The following DTNA variants were observed in gnomAD, a reference collection of about 807,000 sequenced individuals.
DTNA encodes dystrobrevin alpha.
DTNA carries 43 observed loss-of-function variants against 100.7 expected under a neutral mutation model. That is an observed-to-expected ratio of 0.43 (90% CI 0.33 to 0.55). The LOEUF (loss-of-function observed/expected upper bound fraction) is 0.55, where lower values mean the gene tolerates loss of function less well. DTNA is among the 20% of genes least tolerant of loss of function. DTNA has a pLI of 0.04. For missense variants in DTNA, 798 were observed against 953.9 expected (o/e 0.84, Z 2.15); for synonymous variants, 349 against 347.9 (o/e 1.00, Z -0.04).
chr18:34,576,600 AG>A (rs2048134064), intron 1 of DTNA, among the ~76,000 whole-genome samples: 1 of 152,156 alleles, frequency 6.6e-6, no homozygotes, highest in South Asian at 2.1e-4. Flanking sequence ...CTGAGATTAC[AG>A]GCACATGCCG....
chr18:34,775,484 A>G (rs1314208711), intron 3 of DTNA, among the ~76,000 whole-genome samples: 1 of 152,170 alleles, frequency 6.6e-6, no homozygotes, highest in Non-Finnish European at 1.5e-5. Context: ...TCCATCTCAA[A>G]AAAAAATAAA....
chr18:34,742,418 C>G (rs1325437458), intron 1 of DTNA, among the ~76,000 whole-genome samples: 1 of 152,062 alleles, frequency 6.6e-6, no homozygotes, highest in African/African-American at 2.4e-5. Flanking sequence ...AGGCCACATG[C>G]ATTTCTCGGT....
intron 9 of DTNA, among the ~76,000 whole-genome samples, chr18:34,826,291 C>A (rs1281390244): frequency 6.6e-6 from 1 of 151,902 alleles, no homozygotes; most frequent in African/African-American, 2.4e-5. Flanking sequence ...TGAGTAAGTT[C>A]TTTAGTGGTG....
At chr18:34,714,087 T>C (rs1449691635) in intron 1 of DTNA, among the ~76,000 whole-genome samples, 2 of 151,974 alleles carry the variant, frequency 1.3e-5, no homozygotes, top group African/African-American at 2.4e-5. Context: ...CAATTCAAGA[T>C]GGATTAAAGA....
chr18:34,854,464 G>T (rs1044875415), intron 15 of DTNA, among the ~76,000 whole-genome samples: 1 of 152,176 alleles, frequency 6.6e-6, no homozygotes, highest in Non-Finnish European at 1.5e-5. Flanking sequence ...AAGTCAGTGA[G>T]TGTCCCATAA....
intron 1 of DTNA, among the ~76,000 whole-genome samples, chr18:34,712,257 A>T (rs2083047201): frequency 6.6e-6 from 1 of 152,150 alleles, no homozygotes; most frequent in South Asian, 2.1e-4. Flanking sequence ...TCCCGCCGGT[A>T]CTGGAAAGGG....
At chr18:34,740,542 T>C (rs982213079) in intron 1 of DTNA, among the ~76,000 whole-genome samples, 1 of 152,148 alleles carries the variant, frequency 6.6e-6, no homozygotes, top group African/African-American at 2.4e-5. Flanking sequence ...AGCATGATTG[T>C]TATGGTCTCA....
At chr18:34,850,743 A>G (rs1395966300) in intron 14 of DTNA, among the ~76,000 whole-genome samples, 2 of 152,234 alleles carry the variant, frequency 1.3e-5, no homozygotes, top group Non-Finnish European at 2.9e-5. Context: ...CAAGACATAC[A>G]TAAGTGTACA....
chr18:34,754,115 A>G (rs1022996970), intron 1 of DTNA, among the ~76,000 whole-genome samples: 1 of 152,204 alleles, frequency 6.6e-6, no homozygotes, highest in Non-Finnish European at 1.5e-5. Context: ...TCCATAAACC[A>G]AAGCTACTCT....
At chr18:34,496,177 C>T (rs111621808) in intron 1 of DTNA, among the ~76,000 whole-genome samples, 75 of 147,900 alleles carry the variant, frequency 5.1e-4, no homozygotes, top group African/African-American at 1.7e-3. Flanking sequence ...ATATTTGGCT[C>T]TTCAGTGGTT....
intron 5 of DTNA, among the ~76,000 whole-genome samples, chr18:34,808,223 C>G (rs1445750420): frequency 1.3e-5 from 2 of 152,168 alleles, no homozygotes; most frequent in African/African-American, 4.8e-5. Flanking sequence ...CAGGCTAATT[C>G]TGAGCCCTCG....
intron 1 of DTNA, among the ~76,000 whole-genome samples, chr18:34,716,242 G>A (rs1217854876): frequency 3.3e-5 from 5 of 152,108 alleles, no homozygotes; most frequent in African/African-American, 2.4e-5. Flanking sequence ...ACATGAGCTC[G>A]TATTTCCTCT....
At chr18:34,841,011 G>T (rs528589108) in intron 13 of DTNA, among the ~76,000 whole-genome samples, 1 of 152,162 alleles carries the variant, frequency 6.6e-6, no homozygotes, top group African/African-American at 2.4e-5. Context: ...ATAATAGTAA[G>T]TGTTTTTAAA....
At chr18:34,667,503 G>A (rs941405946) in intron 1 of DTNA, among the ~76,000 whole-genome samples, 54 of 152,286 alleles carry the variant, frequency 3.5e-4, no homozygotes, top group African/African-American at 1.3e-3. Context: ...TCTTGTGCCA[G>A]TTTTCAAAGG....
chr18:34,584,102 A>G (rs1214363439), intron 1 of DTNA, among the ~76,000 whole-genome samples: 2 of 152,192 alleles, frequency 1.3e-5, no homozygotes, highest in Non-Finnish European at 1.5e-5. Flanking sequence ...TCCCAGGCAG[A>G]ACATTGGAGG....
At chr18:34,662,931 T>C (rs1179522503) in intron 1 of DTNA, 1 of 152,160 alleles carries the variant, frequency 6.6e-6, no homozygotes, top group Non-Finnish European at 1.5e-5. Context: ...TCTATCATAT[T>C]ATTTGCCTTT....
chr18:34,663,930 T>C (rs1309997395), intron 1 of DTNA, among the ~76,000 whole-genome samples: 1 of 152,190 alleles, frequency 6.6e-6, no homozygotes, highest in African/African-American at 2.4e-5. Flanking sequence ...CATAAAATCA[T>C]ATATAGATTT....
chr18:34,561,515 A>G (rs946890293), intron 1 of DTNA, among the ~76,000 whole-genome samples: 6 of 151,620 alleles, frequency 4.0e-5, no homozygotes, highest in Non-Finnish European at 2.9e-5. Context: ...AGTTGAGTTG[A>G]AAAAAAGTAG....
intron 1 of DTNA, among the ~76,000 whole-genome samples, chr18:34,618,316 A>G (rs974297544): frequency 3.3e-5 from 5 of 152,210 alleles, no homozygotes; most frequent in Non-Finnish European, 5.9e-5. Flanking sequence ...ATATTTGTAG[A>G]CAATAGTATG....
Sources: allele counts gnomAD v4.1 joint callset (sites outside exome capture counted in the v4.1 genomes callset), GRCh38; gene constraint gnomAD v4.1.1; transcripts MANE v1.5; gene names NCBI Gene and HGNC (gene_info 2026-07-23, HGNC 2026-07-21).